Variants in SMCHD1 observed in about 807,000 individuals in gnomAD.
The protein encoded by SMCHD1 is structural maintenance of chromosomes flexible hinge domain containing 1, also known as structural maintenance of chromosomes flexible hinge domain-containing protein 1.
Under a neutral mutation model 254.7 loss-of-function variants are expected in SMCHD1, and 78 were observed. The ratio of observed to expected loss-of-function variants is 0.31; its 90% CI spans 0.26 to 0.37. The LOEUF (loss-of-function observed/expected upper bound fraction) is 0.37, where lower values mean the gene tolerates loss of function less well. Among genes scored for constraint, SMCHD1 ranks in the 10% least tolerant of loss-of-function variants. The pLI is 1.00. For synonymous variants in SMCHD1, 766 were observed against 794.9 expected (o/e 0.96, Z 0.61); for missense variants, 1,840 against 2,408.1 (o/e 0.76, Z 4.94).
In SMCHD1 at chr18:2,752,477, C is replaced by T. The variant is rs1331631368; in HGVS notation, c.4282-11C>T. On this transcript the variant is annotated splice_polypyrimidine_tract_variant and intron_variant, in intron 33 of 47. Coordinates refer to ENST00000320876, the MANE Select transcript of SMCHD1 (RefSeq NM_015295.3). ...TTCCCCTCTCCCCTTCTCTCCTACTCCCCTTTCTAGGCAGAAACATTTAGT... is the reference window on the plus strand; with the variant it reads ...TTCCCCTCTCCCCTTCTCTCCTACTTCCCTTTCTAGGCAGAAACATTTAGT... 6.3e-7 allele frequency: 1 copy of T among 1,591,628 alleles called. No homozygotes were observed. The highest frequency in any genetic ancestry group is 1.3e-5 in the African/African-American group (1 of 74,406).
chr18:2,738,010 G>T (rs2075281705), intron 25 of SMCHD1, among the ~76,000 whole-genome samples: 1 of 152,060 alleles, frequency 6.6e-6, no homozygotes, highest in African/African-American at 2.4e-5. Flanking sequence ...CGTCCACCTA[G>T]ATCTCATTGA....
At position 2,732,273 on chromosome 18, in the gene SMCHD1, A is replaced by G. The variant is rs1253780882; in HGVS notation, c.3057A>G (p.Lys1019=). Reference sequence around the variant, plus strand: ...TTTTCTTCTCTTTCTAGAGTTGTAAAGATGTGGCACCTGTGGAGAAGACTA... The same window carrying G: ...TTTTCTTCTCTTTCTAGAGTTGTAAGGATGTGGCACCTGTGGAGAAGACTA... ...LKARIEIPSC[K]DVAPVEKTIK... The change falls in exon 25 of 48, where the codon AAA becomes AAG. Residue 1019 remains lysine, a synonymous_variant. Coordinates refer to ENST00000320876, the MANE Select transcript of SMCHD1 (RefSeq NM_015295.3). 6.2e-7 allele frequency: 1 copy of G among 1,612,728 alleles called. No individual in the cohort carries two copies. Among genetic ancestry groups the G allele is most frequent in the East Asian group, 2.2e-5 (1 of 44,832 alleles).
At chr18:2,699,431 C>G (rs1015666083) in intron 10 of SMCHD1, among the ~76,000 whole-genome samples, 1 of 152,118 alleles carries the variant, frequency 6.6e-6, no homozygotes, top group Non-Finnish European at 1.5e-5. Context: ...TCTCTGCCTC[C>G]CAGGTTCAAG....
At chr18:2,669,927 C>T (rs1419464148) in intron 3 of SMCHD1, among the ~76,000 whole-genome samples, 2 of 152,170 alleles carry the variant, frequency 1.3e-5, no homozygotes, top group African/African-American at 4.8e-5. Flanking sequence ...GACAGAAAAT[C>T]CTTTGGGTCC....
chr18:2,707,335 G>A (rs1441828832), intron 15 of SMCHD1: 6 of 302,574 alleles, frequency 2.0e-5, no homozygotes, highest in Non-Finnish European at 3.6e-5. Flanking sequence ...ACAGTTTCTG[G>A]CTTTTAATTC....
chr18:2,679,190 C>G (rs1488227961), intron 5 of SMCHD1, among the ~76,000 whole-genome samples: 1 of 147,992 alleles, frequency 6.8e-6, no homozygotes. Context: ...GTAAAGAACT[C>G]TTGGTTGGGC....
chr18:2,712,916 G>T (rs1179107444), intron 17 of SMCHD1, among the ~76,000 whole-genome samples: 3 of 152,068 alleles, frequency 2.0e-5, no homozygotes, highest in African/African-American at 7.2e-5. Flanking sequence ...TCTCCAACTT[G>T]ATCTCATCCT....
chr18:2,784,645 A>T lies in SMCHD1; in HGVS notation c.5719+24A>T, dbSNP rs367829940. On this transcript the variant is annotated intron_variant, in intron 45 of 47. Coordinates refer to ENST00000320876, the MANE Select transcript of SMCHD1 (RefSeq NM_015295.3). Reference sequence around the variant, plus strand: ...AGGTAAGTTGAATAAGTACTTAAATAGCAATTTCTAATTTAATTTTACTCT... The same window carrying T: ...AGGTAAGTTGAATAAGTACTTAAATTGCAATTTCTAATTTAATTTTACTCT... 3.9e-6 allele frequency: 6 copies of T among 1,533,836 alleles called. No homozygotes were observed. In the African/African-American group the frequency reaches 5.6e-5, roughly 14 times the overall value.
intron 30 of SMCHD1, among the ~76,000 whole-genome samples, chr18:2,748,541 T>TC (rs2075512849): frequency 1.3e-5 from 2 of 151,680 alleles, no homozygotes; most frequent in African/African-American, 2.4e-5. Context: ...ATTACAGGCA[T>TC]GTGCCATCAT....
At chr18:2,791,857 A>G (rs1348887802) in intron 45 of SMCHD1, among the ~76,000 whole-genome samples, 1 of 152,248 alleles carries the variant, frequency 6.6e-6, no homozygotes, top group Non-Finnish European at 1.5e-5. Context: ...CTAGAAATGC[A>G]GTAGGTCTCC....
intron 45 of SMCHD1, among the ~76,000 whole-genome samples, chr18:2,791,430 G>A (rs747258363): frequency 1.1e-4 from 17 of 152,130 alleles, no homozygotes; most frequent in Non-Finnish European, 2.2e-4. Flanking sequence ...AAAATAATTA[G>A]TTGGGCCTGG....
intron 45 of SMCHD1, among the ~76,000 whole-genome samples, chr18:2,791,853 A>G (rs2076171820): frequency 6.6e-6 from 1 of 152,200 alleles, no homozygotes; most frequent in Non-Finnish European, 1.5e-5. Flanking sequence ...AGCTCTAGAA[A>G]TGCAGTAGGT....
chr18:2,775,165 A>G (rs757278384), intron 41 of SMCHD1, among the ~76,000 whole-genome samples: 3 of 130,592 alleles, frequency 2.3e-5, no homozygotes, highest in Non-Finnish European at 4.6e-5. Flanking sequence ...TGCAGCCTCT[A>G]CCTCCTGGGC....
At chr18:2,660,529 A>C (rs1388036071) in intron 1 of SMCHD1, among the ~76,000 whole-genome samples, 1 of 139,360 alleles carries the variant, frequency 7.2e-6, no homozygotes, top group Non-Finnish European at 1.5e-5. Context: ...GCTGGAGTGC[A>C]GTGGCGCAAT....
At chr18:2,735,915 A>C (rs912207483) in intron 25 of SMCHD1, among the ~76,000 whole-genome samples, 1 of 152,366 alleles carries the variant, frequency 6.6e-6, no homozygotes, top group East Asian at 1.9e-4. Flanking sequence ...TCTAAAATTC[A>C]GATGGAACTA....
intron 45 of SMCHD1, among the ~76,000 whole-genome samples, chr18:2,786,368 C>T (rs2076240562): frequency 6.6e-6 from 1 of 152,102 alleles, no homozygotes; most frequent in Non-Finnish European, 1.5e-5. Flanking sequence ...GATGGATCTT[C>T]ACAACATGAA....
chr18:2,697,577 T>G (rs761672336), intron 9 of SMCHD1, among the ~76,000 whole-genome samples: 1 of 152,230 alleles, frequency 6.6e-6, no homozygotes, highest in Non-Finnish European at 1.5e-5. Context: ...GAATTAAATG[T>G]ACTCATGACT....
chr18:2,799,459 CTTTGT>C (rs1474800022), intron 47 of SMCHD1, among the ~76,000 whole-genome samples: 1 of 152,124 alleles, frequency 6.6e-6, no homozygotes, highest in Non-Finnish European at 1.5e-5. Context: ...CAGAGGCAAC[CTTTGT>C]TTTAACTGTT....
intron 45 of SMCHD1, among the ~76,000 whole-genome samples, chr18:2,791,885 G>GTGCTGGA (rs2076172427): frequency 6.6e-6 from 1 of 152,104 alleles, no homozygotes; most frequent in Non-Finnish European, 1.5e-5. Flanking sequence ...ATCCAGCTTA[G>GTGCTGGA]TACTAATTAG....
Sources: gnomAD v4.1 joint callset for allele counts (sites outside exome capture counted in the v4.1 genomes callset) on GRCh38, gnomAD v4.1.1 for gene constraint, MANE v1.5 for transcripts, NCBI Gene and HGNC (gene_info 2026-07-23, HGNC 2026-07-21) for gene names.